Variants in SLC5A4 observed in about 807,000 individuals in gnomAD.
The protein encoded by SLC5A4 is solute carrier family 5 member 4, also known as probable glucose sensor protein SLC5A4.
Under a neutral mutation model 70.3 loss-of-function variants are expected in SLC5A4, and 55 were observed. That is an observed-to-expected ratio of 0.78 (90% CI 0.63 to 0.98). SLC5A4 has a LOEUF of 0.98. Among genes scored for constraint, SLC5A4 ranks in the 50% least tolerant of loss-of-function variants. SLC5A4 has a pLI of 0.00. For missense variants in SLC5A4, 735 were observed against 839.2 expected (o/e 0.88, Z 1.53); for synonymous variants, 268 against 305.7 (o/e 0.88, Z 1.29).
the SLC5A4 span, among the ~76,000 whole-genome samples, chr22:32,306,235 G>A: frequency 0.63 from 95,198 of 151,790 alleles, 29,979 homozygotes; most frequent in East Asian, 0.7. Context: ...GGAGGCCGAG[G>A]CAGGCAGATC....
the SLC5A4 span, among the ~76,000 whole-genome samples, chr22:32,282,340 T>C: frequency 1.3e-5 from 2 of 152,034 alleles, no homozygotes; most frequent in East Asian, 3.9e-4. Flanking sequence ...ACCCACTGAG[T>C]CTGACTCTGC....
At chr22:32,273,745 C>T in the SLC5A4 span, among the ~76,000 whole-genome samples, 2 of 152,182 alleles carry the variant, frequency 1.3e-5, no homozygotes, top group South Asian at 2.1e-4. Flanking sequence ...CCTAACTCTA[C>T]AGCATACGGC....
chr22:32,274,213 T>A, the SLC5A4 span, among the ~76,000 whole-genome samples: 1 of 152,042 alleles, frequency 6.6e-6, no homozygotes. Flanking sequence ...CTAATTTTTT[T>A]TGTATTTTAG....
chr22:32,332,577 G>A, the SLC5A4 span, among the ~76,000 whole-genome samples: 2 of 152,226 alleles, frequency 1.3e-5, no homozygotes, highest in Non-Finnish European at 2.9e-5. Flanking sequence ...GAGGGGCTGG[G>A]AGCCTCTGCA....
the SLC5A4 span, among the ~76,000 whole-genome samples, chr22:32,331,994 G>A: frequency 3.1e-3 from 464 of 152,122 alleles, 1 homozygote; most frequent in African/African-American, 9.4e-3. Flanking sequence ...CAGCCCAGGG[G>A]CCCAGACATC....
the SLC5A4 span, among the ~76,000 whole-genome samples, chr22:32,306,300 C>G: frequency 7.5e-6 from 1 of 133,558 alleles, no homozygotes; most frequent in East Asian, 2.7e-4. Context: ...CCTATCTCTA[C>G]TAAAAATACA....
chr22:32,307,949 A>T, the SLC5A4 span, among the ~76,000 whole-genome samples: 2 of 151,746 alleles, frequency 1.3e-5, no homozygotes, highest in African/African-American at 4.8e-5. Flanking sequence ...TTCCAACCCT[A>T]GATTTTCACG....
the SLC5A4 span, among the ~76,000 whole-genome samples, chr22:32,328,716 C>G: frequency 6.6e-6 from 1 of 152,226 alleles, no homozygotes; most frequent in African/African-American, 2.4e-5. Flanking sequence ...CTTTCTGACT[C>G]ACAGAAAGAG....
chr22:32,255,069 A>G, intron 1 of SLC5A4, 126 bp downstream of exon 1: 1 of 923,538 alleles, frequency 1.1e-6, no homozygotes, highest in African/African-American at 1.6e-5. Flanking sequence ...GCAACACACA[A>G]GAAAATGATT....
At chr22:32,253,648 A>G (rs1263089633) in intron 2 of SLC5A4, among the ~76,000 whole-genome samples, 3 of 152,234 alleles carry the variant, frequency 2.0e-5, no homozygotes, top group East Asian at 1.9e-4. Flanking sequence ...ACCGGCTGTC[A>G]TAATAGGTGA....
the SLC5A4 span, among the ~76,000 whole-genome samples, chr22:32,281,117 C>A: frequency 6.6e-6 from 1 of 152,188 alleles, no homozygotes; most frequent in African/African-American, 2.4e-5. Context: ...ACATTTCTAA[C>A]AAGAGCCCGT....
At chr22:32,312,907 A>C in the SLC5A4 span, among the ~76,000 whole-genome samples, 2 of 152,210 alleles carry the variant, frequency 1.3e-5, no homozygotes, top group Non-Finnish European at 2.9e-5. Context: ...CCTCAGTGCC[A>C]GAAGAATCCA....
the SLC5A4 span, among the ~76,000 whole-genome samples, chr22:32,315,826 CACAA>C: frequency 7.1e-6 from 1 of 140,934 alleles, no homozygotes; most frequent in Non-Finnish European, 1.5e-5. Flanking sequence ...GAGACTGGAT[CACAA>C]ACAAGGGCAC....
At chr22:32,352,941 C>A in the SLC5A4 span, among the ~76,000 whole-genome samples, 1 of 152,212 alleles carries the variant, frequency 6.6e-6, no homozygotes, top group Non-Finnish European at 1.5e-5. Context: ...AGCGGTGGTG[C>A]CACAAGCTCC....
Position 32,224,283 on chromosome 22 carries a change from G to C in SLC5A4, c.1649C>G (p.Pro550Arg). The C allele has an allele frequency of 6.2e-7, 1 of 1,612,446 alleles. No homozygotes were observed. Among genetic ancestry groups the C allele is most frequent in the African/African-American group, 1.3e-5 (1 of 74,974 alleles). ...ATCACTCACATGTACATCAGGAATG[G>C]GTTTTGTTAAGAGGGAAATTCCCAG... ...VTLGISLLTK[P>R]IPDVHLYRLC... Residue 550 changes from proline (P) to arginine (R), a missense_variant, in exon 13 of 15, where the codon CCC becomes CGC. Pro to Arg is a moderately radical substitution (Grantham distance 103). Coordinates refer to ENST00000266086, the MANE Select transcript of SLC5A4 (RefSeq NM_014227.3).
chr22:32,301,849 A>T, the SLC5A4 span, among the ~76,000 whole-genome samples: 1 of 152,140 alleles, frequency 6.6e-6, no homozygotes, highest in East Asian at 1.9e-4. Context: ...GTACAAAAAA[A>T]AAAAAACCCT....
intron 4 of SLC5A4, among the ~76,000 whole-genome samples, 185 bp from the exon 5 acceptor site, chr22:32,247,700 G>A (rs547345312): frequency 2.6e-5 from 4 of 152,206 alleles, no homozygotes; most frequent in East Asian, 3.9e-4. Flanking sequence ...GCAGAGGGTG[G>A]GTGCTTAAAC....
the SLC5A4 span, among the ~76,000 whole-genome samples, chr22:32,305,343 C>T: frequency 2.3e-5 from 3 of 130,752 alleles, no homozygotes; most frequent in Middle Eastern, 3.7e-3. Context: ...ATCCTTGTGC[C>T]TCTGTTGCTT....
chr22:32,236,339 A>T (rs1406014948), intron 7 of SLC5A4, among the ~76,000 whole-genome samples: 1 of 152,260 alleles, frequency 6.6e-6, no homozygotes, highest in Non-Finnish European at 1.5e-5. Flanking sequence ...AATGATACTA[A>T]TAAGTGAGCA....
Sources: allele counts gnomAD v4.1 joint callset (sites outside exome capture counted in the v4.1 genomes callset), GRCh38; gene constraint gnomAD v4.1.1; transcripts MANE v1.5; gene names NCBI Gene and HGNC (gene_info 2026-07-23, HGNC 2026-07-21).